The following GLT1D1 variants were observed in gnomAD, a reference collection of about 807,000 sequenced individuals.
GLT1D1 encodes glycosyltransferase 1 domain-containing protein 1.
GLT1D1 carries 21 observed loss-of-function variants against 28.7 expected under a neutral mutation model. The observed-to-expected ratio is 0.73, with a 90% CI of 0.52 to 1.05. The LOEUF (loss-of-function observed/expected upper bound fraction) is 1.05. Among genes scored for constraint, GLT1D1 ranks in the 50% least tolerant of loss-of-function variants. The pLI is 0.00. For synonymous variants in GLT1D1, 147 were observed against 124.8 expected, an observed-to-expected ratio of 1.18 and a Z score of -1.19; for missense variants, 343 against 330.6, an observed-to-expected ratio of 1.04 and a Z score of -0.29.
chr12:128,866,755 A>G (rs1272983324), intron 1 of GLT1D1, among the ~76,000 whole-genome samples: 1 of 151,812 alleles, frequency 6.6e-6, no homozygotes. Flanking sequence ...TGTGTAGCAG[A>G]AATTACAGGC....
chr12:128,933,892 G>T lies in GLT1D1; in HGVS notation c.376-11434G>T, dbSNP rs551019495. Among the ~76,000 whole-genome samples the T allele has an allele frequency of 2.0e-5, 3 of 152,292 alleles. No individual in the cohort carries two copies. The East Asian group carries it at 5.8e-4, about 29-fold the overall frequency. The stretch of plus-strand genomic sequence containing the variant: ...CTGCAGTGTGACTAGGGCACGTGCT[G>T]AAGATTGGGAGATGGATCTGAGAAG... On this transcript the variant is annotated intron_variant, in intron 4 of 7. Coordinates refer to ENST00000281703, the MANE Select transcript of GLT1D1 (RefSeq NM_144669.3).
chr12:128,853,780 C>T (rs1163637260), intron 1 of GLT1D1, 131 bp downstream of exon 1: 1 of 576,512 alleles, frequency 1.7e-6, no homozygotes, highest in Non-Finnish European at 2.2e-6. Context: ...GCCGCGCGCA[C>T]AAACGGATGG....
At chr12:128,959,823 T>G (rs2135520229) in intron 7 of GLT1D1, among the ~76,000 whole-genome samples, 1 of 151,936 alleles carries the variant, frequency 6.6e-6, no homozygotes, top group East Asian at 1.9e-4. Context: ...GGCAAAGTGT[T>G]CTGGGATTTT....
intron 3 of GLT1D1, among the ~76,000 whole-genome samples, chr12:128,897,737 C>A (rs1303061375): frequency 6.6e-6 from 1 of 151,732 alleles, no homozygotes; most frequent in East Asian, 2.0e-4. Flanking sequence ...GGCACGATCT[C>A]GGCTCACTGC....
At chr12:128,860,029 A>C (rs935738023) in intron 1 of GLT1D1, among the ~76,000 whole-genome samples, 1 of 152,148 alleles carries the variant, frequency 6.6e-6, no homozygotes, top group Non-Finnish European at 1.5e-5. Context: ...AGGGTGTGTA[A>C]GTTTCCTTTA....
At chr12:128,934,841 C>T (rs1214198147) in intron 4 of GLT1D1, among the ~76,000 whole-genome samples, 1 of 152,190 alleles carries the variant, frequency 6.6e-6, no homozygotes. Flanking sequence ...ATGCCTCAGT[C>T]TCTGTCATTC....
At chr12:128,963,605 C>T (rs1338997341) in intron 7 of GLT1D1, among the ~76,000 whole-genome samples, 1 of 152,144 alleles carries the variant, frequency 6.6e-6, no homozygotes, top group Non-Finnish European at 1.5e-5. Context: ...GAGATTACGC[C>T]ATTGCACTCC....
At chr12:128,920,765 C>A (rs553219891) in intron 4 of GLT1D1, among the ~76,000 whole-genome samples, 1 of 152,076 alleles carries the variant, frequency 6.6e-6, no homozygotes, top group Non-Finnish European at 1.5e-5. Flanking sequence ...ATAAAAATAC[C>A]GTTCTCCAGG....
chr12:128,880,378 C>G (rs138584002), intron 2 of GLT1D1, among the ~76,000 whole-genome samples: 1 of 152,310 alleles, frequency 6.6e-6, no homozygotes, highest in African/African-American at 2.4e-5. Flanking sequence ...TGAAGCCATG[C>G]TTACTCTTAG....
chr12:128,860,510 G>A (rs66786550), intron 1 of GLT1D1, among the ~76,000 whole-genome samples: 4,776 of 152,290 alleles, frequency 0.031, 111 homozygotes, highest in Middle Eastern at 0.092. Context: ...CTGGGAAGAC[G>A]ACACAGGCTT....
At position 128,946,028 on chromosome 12, in the gene GLT1D1, T is replaced by C. The variant is rs568996861; in HGVS notation, c.419+659T>C. Among the ~76,000 whole-genome samples the C allele has an allele frequency of 1.4e-4, 21 of 152,300 alleles. No individual in the cohort carries two copies. The East Asian group carries it at 1.5e-3, about 11-fold the overall frequency. ...CCCCCCAGGATTCCAGCCAGACTCA[T>C]TGGCCACACCAACCACAAAGGGCAC... On this transcript the variant is annotated intron_variant, in intron 5 of 7. Coordinates refer to ENST00000281703, the MANE Select transcript of GLT1D1 (RefSeq NM_144669.3).
chr12:128,956,157 TC>T (rs1877260529), intron 6 of GLT1D1, among the ~76,000 whole-genome samples: 1 of 176 alleles, frequency 5.7e-3, no homozygotes, highest in Non-Finnish European at 0.016. Flanking sequence ...AGACTCCATC[TC>T]AAAAAAAAAA....
chr12:128,943,520 A>G (rs1160391451), intron 4 of GLT1D1, among the ~76,000 whole-genome samples: 1 of 152,214 alleles, frequency 6.6e-6, no homozygotes, highest in Non-Finnish European at 1.5e-5. Context: ...TTGAAAATTC[A>G]TTCAACTTCG....
chr12:128,886,480 G>A (rs56266065), intron 2 of GLT1D1, among the ~76,000 whole-genome samples: 30,655 of 152,052 alleles, frequency 0.2, 3,535 homozygotes, highest in Admixed American at 0.28. Context: ...AAGCTGAAGC[G>A]GATCTCCCAG....
At chr12:128,980,899 A>G (rs1249677805) in intron 7 of GLT1D1, among the ~76,000 whole-genome samples, 1 of 152,236 alleles carries the variant, frequency 6.6e-6, no homozygotes, top group African/African-American at 2.4e-5. Flanking sequence ...ATGTGCATAC[A>G]GGGATAGAGG....
chr12:128,884,037 C>T (rs772861208), intron 2 of GLT1D1, among the ~76,000 whole-genome samples: 46 of 151,986 alleles, frequency 3.0e-4, no homozygotes, highest in Non-Finnish European at 5.4e-4. Context: ...ATAGAACTAC[C>T]GTAGGATCCA....
chr12:128,983,044 C>T lies in GLT1D1; in HGVS notation c.755C>T (p.Thr252Ile), dbSNP rs1455621324. The stretch of plus-strand genomic sequence containing the variant: ...CATTCATGGCAGGTGGAAAGAGACA[C>T]CTACCAACAGCTCATCAGGAAGCTG... The change falls in exon 8 of 8, where the codon ACC (threonine) becomes ATC (isoleucine). Residue 252 changes from threonine (T) to isoleucine (I), a missense_variant. Physicochemically the swap from Thr to Ile is moderately conservative, Grantham distance 89. Coordinates refer to ENST00000281703, the MANE Select transcript of GLT1D1 (RefSeq NM_144669.3). This position sits in a 1 kb window ranked among gnomAD's most constrained non-coding sequence, Gnocchi z 4.7. The T allele has an allele frequency of 4.3e-6, 7 of 1,614,094 alleles. No homozygotes were observed. The highest frequency in any genetic ancestry group is 5.9e-6 in the Non-Finnish European group (7 of 1,179,986).
chr12:128,966,607 C>T (rs1018851850), intron 7 of GLT1D1, among the ~76,000 whole-genome samples: 1 of 152,156 alleles, frequency 6.6e-6, no homozygotes, highest in African/African-American at 2.4e-5. Flanking sequence ...TTGTGCTCTT[C>T]TGCACGCAGC....
At chr12:128,952,726 C>T (rs1209232606) in intron 6 of GLT1D1, among the ~76,000 whole-genome samples, 21 of 146,330 alleles carry the variant, frequency 1.4e-4, no homozygotes, top group Non-Finnish European at 2.6e-4. Flanking sequence ...CCGCCTGCCT[C>T]GGCCTCCCAA....
Sources: gnomAD v4.1 joint callset for allele counts (sites outside exome capture counted in the v4.1 genomes callset) on GRCh38, gnomAD v4.1.1 for gene constraint, Gnocchi (gnomAD v3.1) non-coding constraint, MANE v1.5 for transcripts, NCBI Gene and HGNC (gene_info 2026-07-23, HGNC 2026-07-21) for gene names.